CACNA2D3: variants seen among roughly 807,000 people sequenced by gnomAD.
CACNA2D3 encodes voltage-dependent calcium channel subunit alpha-2/delta-3.
CACNA2D3 carries 60 observed loss-of-function variants against 160.6 expected under a neutral mutation model. The ratio of observed to expected loss-of-function variants is 0.37; its 90% confidence interval spans 0.30 to 0.46. CACNA2D3 has a LOEUF of 0.46. CACNA2D3 is among the 20% of genes least tolerant of loss of function. The pLI, the probability that CACNA2D3 is intolerant of heterozygous loss-of-function variation, is 1.00. For synonymous variants in CACNA2D3, 558 were observed against 492.9 expected (o/e 1.13, Z -1.75); for missense variants, 1,205 against 1,365.0 (o/e 0.88, Z 1.85).
chr3:55,014,548 G>A (rs938001902), intron 34 of CACNA2D3, among the ~76,000 whole-genome samples: 3 of 152,100 alleles, frequency 2.0e-5, no homozygotes, highest in East Asian at 1.9e-4. Flanking sequence ...GGCCAACATG[G>A]TGCAACCCCC....
At chr3:54,542,084 A>G (rs1701990144) in intron 5 of CACNA2D3, among the ~76,000 whole-genome samples, 1 of 151,596 alleles carries the variant, frequency 6.6e-6, no homozygotes, top group Non-Finnish European at 1.5e-5. Flanking sequence ...GTTTTTTGAG[A>G]CAGAGTCTCA....
intron 11 of CACNA2D3, among the ~76,000 whole-genome samples, chr3:54,693,741 A>C (rs1476689618): frequency 1.3e-5 from 2 of 148,288 alleles, no homozygotes; most frequent in African/African-American, 2.5e-5. Flanking sequence ...GTGTAGGTCT[A>C]GGCTAATGTG....
At chr3:54,190,545 C>G (rs1240631236) in intron 2 of CACNA2D3, among the ~76,000 whole-genome samples, 1 of 152,182 alleles carries the variant, frequency 6.6e-6, no homozygotes, top group Non-Finnish European at 1.5e-5. Flanking sequence ...TTTTTAGCCC[C>G]AGCTGAAATC....
chr3:54,443,581 C>T (rs1700175956), intron 4 of CACNA2D3, among the ~76,000 whole-genome samples: 2 of 152,180 alleles, frequency 1.3e-5, no homozygotes, highest in South Asian at 4.1e-4. Context: ...TCTCACCTGA[C>T]ATGTCCACCA....
At chr3:54,320,117 T>C (rs1174090606) in intron 2 of CACNA2D3, among the ~76,000 whole-genome samples, 1 of 152,212 alleles carries the variant, frequency 6.6e-6, no homozygotes, top group Non-Finnish European at 1.5e-5. Flanking sequence ...GGCTTTTAAA[T>C]GAAAAATTGT....
chr3:54,286,160 C>A (rs1034825056), intron 2 of CACNA2D3, among the ~76,000 whole-genome samples: 1 of 151,942 alleles, frequency 6.6e-6, no homozygotes, highest in Non-Finnish European at 1.5e-5. Flanking sequence ...AAACCAATGG[C>A]AAAGAAGTTA....
chr3:54,594,949 T>C (rs115823616), intron 9 of CACNA2D3, among the ~76,000 whole-genome samples: 1,838 of 152,356 alleles, frequency 0.012, 31 homozygotes, highest in African/African-American at 0.042. Context: ...AGATTTCAAA[T>C]ACTATCCTAT....
At chr3:54,451,939 C>T (rs1339877370) in intron 4 of CACNA2D3, among the ~76,000 whole-genome samples, 1 of 152,170 alleles carries the variant, frequency 6.6e-6, no homozygotes, top group East Asian at 1.9e-4. Context: ...CTAGGATTAC[C>T]TCCAGTGCCC....
At chr3:54,829,148 C>A (rs1338105303) in intron 14 of CACNA2D3, among the ~76,000 whole-genome samples, 1 of 152,194 alleles carries the variant, frequency 6.6e-6, no homozygotes, top group Middle Eastern at 3.2e-3. Flanking sequence ...AGAATCAATA[C>A]TGTGGTCCCT....
At chr3:55,039,866 C>T (rs978204545) in intron 35 of CACNA2D3, among the ~76,000 whole-genome samples, 1 of 152,138 alleles carries the variant, frequency 6.6e-6, no homozygotes, top group African/African-American at 2.4e-5. Context: ...AAATCAAGTG[C>T]TCATGCTAAT....
chr3:54,350,505 T>C (rs17053898), intron 3 of CACNA2D3, among the ~76,000 whole-genome samples: 4,239 of 152,290 alleles, frequency 0.028, 200 homozygotes, highest in African/African-American at 0.097. Context: ...AGGATTAGCG[T>C]TCAGAGGCTT....
intron 4 of CACNA2D3, among the ~76,000 whole-genome samples, chr3:54,393,952 GC>G (rs974310617): frequency 1.8e-4 from 27 of 152,298 alleles, no homozygotes; most frequent in African/African-American, 6.3e-4. Flanking sequence ...GCTAGGCTTT[GC>G]CATTTTGGGT....
intron 27 of CACNA2D3, among the ~76,000 whole-genome samples, chr3:54,921,268 G>T (rs992974149): frequency 1.3e-5 from 2 of 152,072 alleles, no homozygotes; most frequent in African/African-American, 4.8e-5. Flanking sequence ...AAACTCCCTT[G>T]ACCACGTTGT....
intron 4 of CACNA2D3, among the ~76,000 whole-genome samples, chr3:54,457,250 T>C (rs1046108485): frequency 1.3e-5 from 2 of 152,038 alleles, no homozygotes; most frequent in African/African-American, 4.8e-5. Context: ...GGTTTTGGTA[T>C]GTTGTGTTTC....
intron 28 of CACNA2D3, 46 bp from the exon 29 acceptor site, chr3:54,969,754 C>A: frequency 1.3e-6 from 2 of 1,585,302 alleles, no homozygotes; most frequent in Non-Finnish European, 1.7e-6. Context: ...ACTGGGATGC[C>A]CAAGTAACAT....
intron 5 of CACNA2D3, among the ~76,000 whole-genome samples, chr3:54,519,503 A>G (rs910850389): frequency 1.3e-5 from 2 of 152,230 alleles, no homozygotes; most frequent in African/African-American, 4.8e-5. Context: ...TGAATTGGAG[A>G]TGAAGAAGTC....
intron 27 of CACNA2D3, among the ~76,000 whole-genome samples, chr3:54,953,175 C>T (rs189356550): frequency 4.8e-4 from 73 of 152,282 alleles, no homozygotes; most frequent in African/African-American, 1.7e-3. Context: ...GTGCTAGGCT[C>T]ATGACATACA....
At chr3:54,570,168 T>G (rs1195659175) in intron 8 of CACNA2D3, 64 bp downstream of exon 8, 2 of 1,498,544 alleles carry the variant, frequency 1.3e-6, no homozygotes, top group Admixed American at 3.4e-5. Flanking sequence ...TAGTGACTGG[T>G]TAACATTGCT....
At chr3:54,489,808 C>T (rs1366747977) in intron 4 of CACNA2D3, among the ~76,000 whole-genome samples, 1 of 152,076 alleles carries the variant, frequency 6.6e-6, no homozygotes, top group Admixed American at 6.6e-5. Flanking sequence ...TTCCAGATGG[C>T]TGGAAGAGGG....
Sources: allele counts gnomAD v4.1 joint callset (sites outside exome capture counted in the v4.1 genomes callset), GRCh38; gene constraint gnomAD v4.1.1; transcripts MANE v1.5; gene names NCBI Gene and HGNC (gene_info 2026-07-23, HGNC 2026-07-21).